Variants in NIPBL observed in about 807,000 individuals in gnomAD.
The protein encoded by NIPBL is NIPBL cohesin loading factor.
In NIPBL, 19 loss-of-function variants were observed where a neutral mutation model predicts 321.8. The observed-to-expected ratio is 0.06, with a 90% CI of 0.04 to 0.09. The LOEUF (loss-of-function observed/expected upper bound fraction) is 0.09. NIPBL is among the 10% of genes least tolerant of loss of function. The probability of loss-of-function intolerance (pLI) is 1.00; values close to 1 mark genes in which losing one functional copy is unlikely to be tolerated. For missense variants in NIPBL, 2,210 were observed against 3,327.0 expected (o/e 0.66, Z 8.26); for synonymous variants, 1,106 against 1,114.1 (o/e 0.99, Z 0.14).
chr5:36,934,172 T>C (rs1034013266), intron 1 of NIPBL, among the ~76,000 whole-genome samples: 1 of 152,148 alleles, frequency 6.6e-6, no homozygotes, highest in African/African-American at 2.4e-5. Context: ...TTTTATCTAA[T>C]ACATTCTCTA....
chr5:36,961,411 C>T, intron 4 of NIPBL, 73 bp from the exon 5 acceptor site: 1 of 913,710 alleles, frequency 1.1e-6, no homozygotes, highest in Non-Finnish European at 1.8e-6. Flanking sequence ...GAAAGAATAA[C>T]TGATTTCAGT....
Position 37,020,493 on chromosome 5 carries a change from G to A in NIPBL, c.5045G>A (p.Arg1682Gln), listed in dbSNP as rs1250912763. The A allele has an allele frequency of 6.2e-7, 1 of 1,613,512 alleles. No homozygotes were observed. The highest frequency in any genetic ancestry group is 1.3e-5 in the African/African-American group (1 of 74,812). ...AAATTCTATATAGCCCAGTGGTTTC[G>A]AGACACAACTCTGGAAACAGAAAAA... ...SRKFYIAQWF[R>Q]DTTLETEKAM... is the part of the protein sequence containing the mutation. Residue 1682 changes from arginine (R) to glutamine (Q), a missense_variant, in exon 26 of 47, where the codon CGA becomes CAA. Around this residue, in one of 14 missense-constraint regions of NIPBL, gnomAD observed 138 missense variants for 175.8 expected, o/e 0.79. Coordinates refer to ENST00000282516, the MANE Select transcript of NIPBL (RefSeq NM_133433.4).
intron 11 of NIPBL, among the ~76,000 whole-genome samples, chr5:36,999,749 A>C (rs1746566421): frequency 6.6e-6 from 1 of 152,230 alleles, no homozygotes; most frequent in Non-Finnish European, 1.5e-5. Context: ...GGGTTTAAGC[A>C]AGACTTTTGT....
At chr5:36,950,715 C>T (rs996048654) in intron 1 of NIPBL, among the ~76,000 whole-genome samples, 4 of 152,090 alleles carry the variant, frequency 2.6e-5, no homozygotes, top group African/African-American at 9.7e-5. Flanking sequence ...AGACACATGT[C>T]AGCTTCAGTT....
chr5:36,903,419 C>G (rs766919985), intron 1 of NIPBL, among the ~76,000 whole-genome samples: 3 of 152,148 alleles, frequency 2.0e-5, no homozygotes, highest in African/African-American at 7.2e-5. Flanking sequence ...ATAGATGGCT[C>G]TTACTATTTT....
At chr5:36,892,376 G>T (rs1746398368) in intron 1 of NIPBL, among the ~76,000 whole-genome samples, 1 of 152,168 alleles carries the variant, frequency 6.6e-6, no homozygotes, top group Non-Finnish European at 1.5e-5. Flanking sequence ...GGAAGTCAGT[G>T]TGGCGATTCC....
chr5:36,936,078 A>G (rs1738387336), intron 1 of NIPBL, among the ~76,000 whole-genome samples: 2 of 152,140 alleles, frequency 1.3e-5, no homozygotes, highest in Non-Finnish European at 2.9e-5. Context: ...TCACATTTCA[A>G]TAAACTATTC....
intron 9 of NIPBL, among the ~76,000 whole-genome samples, chr5:36,981,285 G>A (rs1744106478): frequency 1.3e-5 from 2 of 151,600 alleles, no homozygotes; most frequent in African/African-American, 2.4e-5. Context: ...TACCTTATAA[G>A]TAAGATTAGA....
chr5:37,008,143 G>T, intron 19 of NIPBL, 55 bp downstream of exon 19: 1 of 1,185,640 alleles, frequency 8.4e-7, no homozygotes, highest in East Asian at 2.4e-5. Context: ...CAATATTGAT[G>T]TCATTTAATC....
chr5:37,037,407 A>G (rs1391942231), intron 33 of NIPBL, among the ~76,000 whole-genome samples: 16 of 144,860 alleles, frequency 1.1e-4, no homozygotes, highest in Admixed American at 5.5e-4. Context: ...ATATATATAT[A>G]TGTATATATA....
intron 1 of NIPBL, among the ~76,000 whole-genome samples, chr5:36,904,206 C>T (rs983726111): frequency 5.3e-5 from 8 of 152,336 alleles, no homozygotes; most frequent in African/African-American, 7.2e-5. Context: ...TGCGGTGGCT[C>T]GCGCCTCTAA....
At chr5:37,049,041 A>G in intron 39 of NIPBL, 70 bp from the exon 40 acceptor site, 1 of 1,529,804 alleles carries the variant, frequency 6.5e-7, no homozygotes, top group Admixed American at 1.7e-5. Flanking sequence ...TTATGGCCTA[A>G]TTTTGAAATA....
Position 37,014,793 on chromosome 5 carries a change from T to A in NIPBL, c.4643+28T>A, listed in dbSNP as rs769703264. The A allele has an allele frequency of 3.7e-6, 5 of 1,341,728 alleles. No individual in the cohort carries two copies. The East Asian group carries it at 9.2e-5, about 25-fold the overall frequency. 83.1% of individuals were successfully genotyped at this position (1,341,728 alleles called of 1,614,324 possible). On this transcript the variant is annotated intron_variant, in intron 22 of 46. Transcript: ENST00000282516. Reference sequence around the variant, plus strand: ...GAGTAAAATTAATATAAATCTGGTTTTTCTTTTCCACAGTATAGAGAATAG... The same window carrying A: ...GAGTAAAATTAATATAAATCTGGTTATTCTTTTCCACAGTATAGAGAATAG...
chr5:37,012,456 A>ATTTTTTTTTTTTTTTT (rs763144789), intron 21 of NIPBL, among the ~76,000 whole-genome samples: 1 of 107,210 alleles, frequency 9.3e-6, no homozygotes, highest in Non-Finnish European at 1.8e-5. Flanking sequence ...TCTTTCTCCA[A>ATTTTTTTTTTTTTTTT]TTTTTTTTTT....
rs1194609840 is a variant in NIPBL, at chr5:36,968,095, C to CAA, written c.611-2766_611-2765dup. 4.0e-3 allele frequency among the ~76,000 whole-genome samples: 214 copies of CAA among 53,696 alleles called. 5 individuals are homozygous for CAA. Among genetic ancestry groups the CAA allele is most frequent in the African/African-American group, 7.7e-3 (100 of 12,998 alleles). The allele number at this position is 53,696 out of a possible 152,430, so 35.2% of individuals were successfully genotyped here. ...TGGACAACAGAGTGAGACTCTGTCT[C>CAA]AAAAAAAAAAAAAAAACAAAAAACA... On this transcript the variant is annotated intron_variant, in intron 6 of 46. Transcript: ENST00000282516.
chr5:36,999,548 C>T (rs1746542447), intron 11 of NIPBL, among the ~76,000 whole-genome samples: 1 of 152,170 alleles, frequency 6.6e-6, no homozygotes, highest in African/African-American at 2.4e-5. Context: ...TTATTTTCAG[C>T]ATAATGTTCT....
intron 9 of NIPBL, among the ~76,000 whole-genome samples, chr5:36,981,347 A>G (rs981602196): frequency 5.3e-5 from 8 of 151,676 alleles, no homozygotes; most frequent in African/African-American, 1.9e-4. Context: ...GGATAGAATA[A>G]TCTTAAGAAA....
chr5:36,988,497 A>G (rs551905347), intron 10 of NIPBL, among the ~76,000 whole-genome samples: 2 of 152,004 alleles, frequency 1.3e-5, no homozygotes, highest in Admixed American at 1.3e-4. Flanking sequence ...CTTAGGATCC[A>G]TATCTTTTTT....
chr5:36,938,665 G>C (rs1348075691), intron 1 of NIPBL, among the ~76,000 whole-genome samples: 1 of 152,120 alleles, frequency 6.6e-6, no homozygotes, highest in African/African-American at 2.4e-5. Context: ...AGAATACACA[G>C]ACTATTACTG....
Sources: allele counts gnomAD v4.1 joint callset (sites outside exome capture counted in the v4.1 genomes callset), GRCh38; gene constraint gnomAD v4.1.1; regional missense constraint gnomAD v4.1.1; transcripts MANE v1.5; gene names NCBI Gene and HGNC (gene_info 2026-07-23, HGNC 2026-07-21).